NAALADL2: variants seen among roughly 807,000 people sequenced by gnomAD.
NAALADL2 encodes inactive N-acetylated-alpha-linked acidic dipeptidase-like protein 2.
A neutral mutation model predicts 87.2 loss-of-function variants in NAALADL2; 76 were observed. That is an observed-to-expected ratio of 0.87 (90% CI 0.72 to 1.05). The LOEUF (loss-of-function observed/expected upper bound fraction) is 1.05. Ranked by LOEUF, NAALADL2 falls within the 50% of genes least tolerant of loss-of-function variation. The pLI is 0.00. For synonymous variants in NAALADL2, 354 were observed against 331.0 expected, an observed-to-expected ratio of 1.07 and a Z score of -0.75; for missense variants, 1,089 against 945.8, an observed-to-expected ratio of 1.15 and a Z score of -1.99.
chr3:175,132,276 C>T (rs1728140056), intron 2 of NAALADL2, among the ~76,000 whole-genome samples: 2 of 4,398 alleles, frequency 4.5e-4, no homozygotes, highest in African/African-American at 1.8e-3. Context: ...ACCCCCCCAC[C>T]TCCCTCCCAG....
At chr3:174,538,478 G>C (rs1382129896) in intron 1 of NAALADL2, among the ~76,000 whole-genome samples, 1 of 152,016 alleles carries the variant, frequency 6.6e-6, no homozygotes, top group Admixed American at 6.6e-5. Flanking sequence ...AGAAATTGAA[G>C]TATTTTACCC....
chr3:174,561,599 G>C (rs1285358941), intron 2 of NAALADL2, among the ~76,000 whole-genome samples: 4 of 152,050 alleles, frequency 2.6e-5, no homozygotes, highest in Admixed American at 2.0e-4. Context: ...ATCAGATATT[G>C]AGGGTAGAAG....
intron 1 of NAALADL2, among the ~76,000 whole-genome samples, chr3:175,053,982 G>T (rs942380588): frequency 6.6e-6 from 1 of 152,230 alleles, no homozygotes; most frequent in Non-Finnish European, 1.5e-5. Context: ...TGTAAAAAGG[G>T]TGCATTCTAC....
intron 13 of NAALADL2, among the ~76,000 whole-genome samples, chr3:175,796,110 G>C (rs992293662): frequency 7.0e-6 from 1 of 143,750 alleles, no homozygotes; most frequent in Non-Finnish European, 1.5e-5. Flanking sequence ...TGGGGGAGAG[G>C]CAGGGTGGGT....
At chr3:175,163,657 G>A (rs931029577) in intron 2 of NAALADL2, among the ~76,000 whole-genome samples, 4 of 151,980 alleles carry the variant, frequency 2.6e-5, no homozygotes, top group Non-Finnish European at 4.4e-5. Context: ...AAGACCCATC[G>A]GTCTATAGTC....
intron 5 of NAALADL2, among the ~76,000 whole-genome samples, chr3:175,374,316 G>A (rs1766848970): frequency 6.6e-6 from 1 of 151,686 alleles, no homozygotes; most frequent in Admixed American, 6.6e-5. Flanking sequence ...CACTTTGGGA[G>A]GCCGAGGTGG....
At chr3:175,459,204 A>G (rs1722756672) in intron 6 of NAALADL2, among the ~76,000 whole-genome samples, 2 of 152,176 alleles carry the variant, frequency 1.3e-5, no homozygotes, top group African/African-American at 2.4e-5. Flanking sequence ...TTAAAGTTAA[A>G]CTCAAAAAGA....
At chr3:175,073,139 A>T (rs1715967169) in intron 1 of NAALADL2, among the ~76,000 whole-genome samples, 1 of 151,950 alleles carries the variant, frequency 6.6e-6, no homozygotes, top group African/African-American at 2.4e-5. Flanking sequence ...TTTTTAGGCC[A>T]AATGTATAAA....
intron 9 of NAALADL2, among the ~76,000 whole-genome samples, chr3:175,496,009 A>C (rs2149356571): frequency 6.6e-6 from 1 of 152,240 alleles, no homozygotes; most frequent in South Asian, 2.1e-4. Flanking sequence ...CATTTATTCA[A>C]GTGCCATCTA....
rs906788334 is a variant in NAALADL2 at position 175,805,470 on chromosome 3, G to A, written c.*2267G>A. On this transcript the variant is annotated 3_prime_UTR_variant, in exon 14 of 14. Coordinates refer to ENST00000454872, the MANE Select transcript of NAALADL2 (RefSeq NM_207015.3). ...ATATTAAATTATACCTAAAGCAGAC[G>A]TCCAACAAATTCTGTACATGCTGCT... The A allele has an allele frequency of 9.9e-5, 15 of 151,670 alleles. No individual in the cohort carries two copies. The highest frequency in any genetic ancestry group is 1.6e-4 in the Non-Finnish European group (11 of 67,846). The allele number at this position is 151,670 out of a possible 1,614,324, so 9.4% of individuals were successfully genotyped here.
At chr3:175,233,861 G>A (rs1350292791) in intron 2 of NAALADL2, 70 bp from the exon 3 acceptor site, 5 of 800,972 alleles carry the variant, frequency 6.2e-6, no homozygotes, top group Non-Finnish European at 1.0e-5. Flanking sequence ...TTCATATATT[G>A]AGCAGTCATA....
chr3:175,241,277 G>C (rs909173038), intron 3 of NAALADL2, among the ~76,000 whole-genome samples: 4 of 152,046 alleles, frequency 2.6e-5, no homozygotes, highest in Non-Finnish European at 5.9e-5. Flanking sequence ...CTGGAGTGCA[G>C]TGGTGCAACC....
intron 5 of NAALADL2, among the ~76,000 whole-genome samples, chr3:175,402,358 C>A (rs1770666939): frequency 6.6e-6 from 1 of 152,018 alleles, no homozygotes; most frequent in Admixed American, 6.6e-5. Context: ...TTGGGCCAAG[C>A]AGACTGATGC....
At chr3:175,788,911 G>T (rs923892940) in intron 13 of NAALADL2, among the ~76,000 whole-genome samples, 2 of 152,128 alleles carry the variant, frequency 1.3e-5, no homozygotes, top group Admixed American at 1.3e-4. Flanking sequence ...TTTTACAAAT[G>T]ATCTCCAACA....
intron 2 of NAALADL2, among the ~76,000 whole-genome samples, chr3:174,716,008 T>C (rs772424899): frequency 1.3e-5 from 2 of 152,194 alleles, no homozygotes; most frequent in African/African-American, 4.8e-5. Context: ...GTTCTTCTCA[T>C]GTTTGCATGC....
intron 7 of NAALADL2, among the ~76,000 whole-genome samples, chr3:175,464,455 T>C (rs927470937): frequency 5.9e-5 from 9 of 151,644 alleles, no homozygotes; most frequent in Non-Finnish European, 1.3e-4. Flanking sequence ...AATCTTCAGA[T>C]ATTATGTAGG....
At chr3:174,787,911 C>A (rs553116259) in intron 3 of NAALADL2, among the ~76,000 whole-genome samples, 6 of 151,782 alleles carry the variant, frequency 4.0e-5, no homozygotes, top group Non-Finnish European at 8.8e-5. Flanking sequence ...AGTGACAGAG[C>A]AAGACCCTGT....
chr3:174,971,872 AT>A (rs987874196), intron 1 of NAALADL2, among the ~76,000 whole-genome samples: 3 of 151,898 alleles, frequency 2.0e-5, no homozygotes, highest in Admixed American at 2.0e-4. Context: ...TAATTTTTGT[AT>A]TTTTAGTAGA....
At chr3:174,726,228 T>G (rs576403488) in intron 2 of NAALADL2, among the ~76,000 whole-genome samples, 3 of 152,020 alleles carry the variant, frequency 2.0e-5, no homozygotes, top group Non-Finnish European at 4.4e-5. Context: ...TTCAACCAAG[T>G]GGAAAAGTTA....
Sources: gnomAD v4.1 joint callset for allele counts (sites outside exome capture counted in the v4.1 genomes callset) on GRCh38, gnomAD v4.1.1 for gene constraint, MANE v1.5 for transcripts, NCBI Gene and HGNC (gene_info 2026-07-23, HGNC 2026-07-21) for gene names.